Variants in HACD4 observed in about 807,000 individuals in gnomAD.
HACD4 encodes the protein 3-hydroxyacyl-CoA dehydratase 4, also known as very-long-chain (3R)-3-hydroxyacyl-CoA dehydratase 4.
A neutral mutation model predicts 33.3 loss-of-function variants in HACD4; 35 were observed. The observed-to-expected ratio is 1.05, with a 90% CI of 0.80 to 1.39. The LOEUF (loss-of-function observed/expected upper bound fraction) is 1.39, where lower values mean the gene tolerates loss of function less well. HACD4 is among the 40% of genes most tolerant of loss of function. HACD4 has a pLI of 0.00. For synonymous variants in HACD4, 118 were observed against 98.0 expected (o/e 1.20, Z -1.21); for missense variants, 323 against 276.5 (o/e 1.17, Z -1.19).
intron 4 of HACD4, among the ~76,000 whole-genome samples, chr9:21,012,851 G>A (rs1388595752): frequency 6.6e-6 from 1 of 152,114 alleles, no homozygotes; most frequent in Non-Finnish European, 1.5e-5. Flanking sequence ...CAGATGACCT[G>A]AGGTCAGGGG....
chr9:21,025,810 T>A (rs1242996220), intron 3 of HACD4, among the ~76,000 whole-genome samples: 2 of 152,204 alleles, frequency 1.3e-5, no homozygotes, highest in Non-Finnish European at 2.9e-5. Flanking sequence ...AAAATAGTAA[T>A]AATAGCTGCC....
chr9:21,028,545 AATG>A (rs1341400704), intron 2 of HACD4, among the ~76,000 whole-genome samples: 6 of 152,242 alleles, frequency 3.9e-5, no homozygotes, highest in African/African-American at 1.4e-4. Context: ...ACACGTCTGA[AATG>A]ATGAGCACAG....
At chr9:21,016,719 T>C (rs1370715116) in intron 3 of HACD4, among the ~76,000 whole-genome samples, 1 of 126,238 alleles carries the variant, frequency 7.9e-6, no homozygotes, top group East Asian at 2.5e-4. Flanking sequence ...TGGAGGTGGG[T>C]TGTGAAGGGT....
Position 21,000,864 on chromosome 9 carries a change from C to G in HACD4, c.*6173G>C, listed in dbSNP as rs911903783. The G allele has an allele frequency of 2.0e-5, 3 of 151,900 alleles. No homozygotes were observed. Among genetic ancestry groups the G allele is most frequent in the Admixed American group, 2.0e-4 (3 of 15,232 alleles). The allele number at this position is 151,900 out of a possible 1,614,324, so 9.4% of individuals were successfully genotyped here. A position where few individuals can be genotyped will look rare whatever the true frequency, so the allele number is the denominator to read the frequency against. ...TCTTTCTTTGGGGAAATATTTTGGA[C>G]ATTGAGATTGTATCTATTTGTACTT... On this transcript the variant is annotated 3_prime_UTR_variant, in exon 7 of 7. Transcript: ENST00000495827.
At chr9:21,027,245 C>T (rs944345600) in intron 2 of HACD4, among the ~76,000 whole-genome samples, 1 of 152,106 alleles carries the variant, frequency 6.6e-6, no homozygotes, top group African/African-American at 2.4e-5. Flanking sequence ...TTGGTTAGTG[C>T]TTTTCTGGAT....
chr9:21,025,571 G>A (rs539462783), intron 3 of HACD4, among the ~76,000 whole-genome samples: 81 of 152,190 alleles, frequency 5.3e-4, no homozygotes, highest in African/African-American at 1.7e-3. Flanking sequence ...CTTGAAACTC[G>A]TGTTCTTATA....
chr9:21,019,268 T>C (rs1361529338), intron 3 of HACD4, among the ~76,000 whole-genome samples: 3 of 152,096 alleles, frequency 2.0e-5, no homozygotes, highest in Non-Finnish European at 4.4e-5. Context: ...TGTAGCATAA[T>C]AGTTGAGAGC....
Position 21,031,552 on chromosome 9 carries a change from C to T in HACD4, c.38+1G>A. 6.8e-7 allele frequency: 1 copy of T among 1,460,546 alleles called. No homozygotes were observed. The highest frequency in any genetic ancestry group is 9.0e-7 in the Non-Finnish European group (1 of 1,113,386). The allele number at this position is 1,460,546 out of a possible 1,614,324, so 90.5% of individuals were successfully genotyped here. A position where few individuals can be genotyped will look rare whatever the true frequency, so the allele number is the denominator to read the frequency against. On this transcript the variant is annotated splice_donor_variant, in intron 1 of 6. Coordinates refer to ENST00000495827, the MANE Select transcript of HACD4 (RefSeq NM_001010915.5). LOFTEE classifies it high-confidence loss of function. ...CCTCGGGATTCGGCCGAGCGCCCTACCTGGGCTGCAGCCAGGCGGGCAGCG... is the reference window on the plus strand; with the variant it reads ...CCTCGGGATTCGGCCGAGCGCCCTATCTGGGCTGCAGCCAGGCGGGCAGCG...
chr9:21,008,528 T>A (rs918179121), intron 5 of HACD4, among the ~76,000 whole-genome samples: 8 of 152,148 alleles, frequency 5.3e-5, no homozygotes, highest in African/African-American at 1.9e-4. Context: ...ATTAACATAG[T>A]AGAACACATA....
At chr9:21,007,216 C>T in intron 6 of HACD4, 97 bp from the exon 7 acceptor site, 1 of 719,992 alleles carries the variant, frequency 1.4e-6, no homozygotes, top group Non-Finnish European at 2.5e-6. Flanking sequence ...TGCCCAAATC[C>T]AGGGAGAAGA....
In HACD4 at chr9:21,003,095, C is replaced by G. The variant is rs1320035686; in HGVS notation, c.*3942G>C. Reference sequence around the variant, plus strand: ...ACCACAGTAGTATTAACAATTGTGTCTGTCACCAAAGGAAATGTAAGATCT... The same window carrying G: ...ACCACAGTAGTATTAACAATTGTGTGTGTCACCAAAGGAAATGTAAGATCT... On this transcript the variant is annotated 3_prime_UTR_variant, in exon 7 of 7. Coordinates refer to ENST00000495827, the MANE Select transcript of HACD4 (RefSeq NM_001010915.5). The G allele has an allele frequency of 6.6e-6, 1 of 152,080 alleles. No individual in the cohort carries two copies. Among genetic ancestry groups the G allele is most frequent in the Non-Finnish European group, 1.5e-5 (1 of 67,988 alleles). The allele number at this position is 152,080 out of a possible 1,614,324, so 9.4% of individuals were successfully genotyped here.
Position 21,029,322 on chromosome 9 carries a change from T to C in HACD4, c.115A>G (p.Thr39Ala). The stretch of plus-strand genomic sequence containing the variant: ...TTTCCAAATGAAAAGAATCTGACTG[T>C]CATATTTGTAAATATCCAAGAGTGG... ...CGHSWIFTNM[T>A]VRFFSFGKDS... Residue 39 changes from threonine (T) to alanine (A), a missense_variant, in exon 2 of 7, where the codon ACA becomes GCA. Transcript: ENST00000495827. 6.3e-7 allele frequency: 1 copy of C among 1,591,094 alleles called. No individual in the cohort carries two copies. Among genetic ancestry groups the C allele is most frequent in the South Asian group, 1.1e-5 (1 of 88,260 alleles).
chr9:21,012,278 T>C (rs1446581588), intron 4 of HACD4, among the ~76,000 whole-genome samples: 1 of 152,210 alleles, frequency 6.6e-6, no homozygotes, highest in African/African-American at 2.4e-5. Context: ...CTTGAGCATA[T>C]ATCAGAATCA....
In HACD4 at chr9:21,015,956, G is replaced by A; in HGVS notation, c.325C>T (p.Gln109Ter). The stretch of plus-strand genomic sequence containing the variant: ...AAAACACACACCACATATTTCTCTT[G>A]GACTTCCTCTTGACTGGTGATCACC... The part of the protein sequence containing the change: ...FVVITSQEEV[Q>*]EKYVVCVLFV... Residue 109 changes from glutamine to a stop codon, truncating the protein, a stop_gained, in exon 4 of 7, where the codon CAA (glutamine) becomes TAA (stop). Coordinates refer to ENST00000495827, the MANE Select transcript of HACD4 (RefSeq NM_001010915.5). LOFTEE classifies it high-confidence loss of function. 6.2e-7 allele frequency: 1 copy of A among 1,613,236 alleles called. No homozygotes were observed.
chr9:21,016,034 G>C, intron 3 of HACD4, 24 bp from the exon 4 acceptor site: 1 of 1,515,586 alleles, frequency 6.6e-7, no homozygotes, highest in Non-Finnish European at 9.2e-7. Context: ...AGCAAAGTCA[G>C]AAATTAGGAC....
At chr9:21,028,602 A>C (rs1020022285) in intron 2 of HACD4, among the ~76,000 whole-genome samples, 2 of 152,224 alleles carry the variant, frequency 1.3e-5, no homozygotes, top group Non-Finnish European at 2.9e-5. Flanking sequence ...TTTTTAGCTG[A>C]AGCCAGCAGT....
Position 21,007,091 on chromosome 9 carries a change from G to A in HACD4, c.645C>T (p.Tyr215=). 6.3e-7 allele frequency: 1 copy of A among 1,580,782 alleles called. No homozygotes were observed. Among genetic ancestry groups the A allele is most frequent in the Non-Finnish European group, 8.7e-7 (1 of 1,149,876 alleles). ...IGMYFTYSHL[Y]SERRDILGIF... is the part of the protein sequence containing the mutation. The stretch of plus-strand genomic sequence containing the variant: ...TTCCGAGGATGTCTCTTCTTTCTGA[G>A]TATAGATGACTGTAGGTAAAATACA... The change falls in exon 7 of 7, where the codon TAC becomes TAT. Residue 215 remains tyrosine (Y), a synonymous_variant. Transcript: ENST00000495827.
At chr9:21,013,417 T>C (rs192831592) in intron 4 of HACD4, among the ~76,000 whole-genome samples, 16 of 152,358 alleles carry the variant, frequency 1.1e-4, no homozygotes, top group African/African-American at 3.1e-4. Flanking sequence ...TATTGCTTTG[T>C]AGTAAGTTTT....
At chr9:21,011,484 T>G (rs1029527396) in intron 5 of HACD4, 105 bp downstream of exon 5, 1 of 723,394 alleles carries the variant, frequency 1.4e-6, no homozygotes, top group East Asian at 2.7e-5. Flanking sequence ...CTGAGTGAGC[T>G]AAGCATTCGC....
Sources: allele counts gnomAD v4.1 joint callset (sites outside exome capture counted in the v4.1 genomes callset), GRCh38; gene constraint gnomAD v4.1.1; transcripts MANE v1.5; gene names NCBI Gene and HGNC (gene_info 2026-07-23, HGNC 2026-07-21).